Variants in CAB39 observed in about 807,000 individuals in gnomAD.
CAB39 encodes the protein calcium binding protein 39.
Under a neutral mutation model 40.0 loss-of-function variants are expected in CAB39, and 8 were observed. The observed-to-expected ratio is 0.20, with a 90% CI of 0.12 to 0.36. CAB39 has a LOEUF of 0.36. Ranked by LOEUF, CAB39 falls within the 10% of genes least tolerant of loss-of-function variation. The probability of loss-of-function intolerance (pLI) is 1.00; values close to 1 mark genes in which losing one functional copy is unlikely to be tolerated. For missense variants in CAB39, 270 were observed against 401.1 expected (o/e 0.67, Z 2.79); for synonymous variants, 156 against 141.6 (o/e 1.10, Z -0.72).
At chr2:230,779,610 A>T (rs927439396) in intron 2 of CAB39, among the ~76,000 whole-genome samples, 5 of 152,234 alleles carry the variant, frequency 3.3e-5, no homozygotes, top group African/African-American at 1.2e-4. Flanking sequence ...GTGTCTTGGA[A>T]CACCATGTTC....
chr2:230,725,332 A>C, intron 1 of CAB39: 1 of 1,580,100 alleles, frequency 6.3e-7, no homozygotes, highest in Non-Finnish European at 8.7e-7. Context: ...CACCAATCCC[A>C]GCCAGGCTCC....
chr2:230,748,813 G>GAAAA (rs759314442), intron 1 of CAB39, among the ~76,000 whole-genome samples: 522 of 31,722 alleles, frequency 0.016, 62 homozygotes, highest in Non-Finnish European at 0.022. Flanking sequence ...TTTCCAAAAA[G>GAAAA]AAAAAAAAAA....
chr2:230,739,507 T>C (rs189313595), intron 1 of CAB39, among the ~76,000 whole-genome samples: 3 of 152,356 alleles, frequency 2.0e-5, no homozygotes, highest in African/African-American at 7.2e-5. Flanking sequence ...TTGAAGTCTT[T>C]TTTTTGAGAC....
chr2:230,789,319 G>A (rs1695851996), intron 2 of CAB39, among the ~76,000 whole-genome samples: 1 of 152,062 alleles, frequency 6.6e-6, no homozygotes, highest in South Asian at 2.1e-4. Flanking sequence ...TGTCCTTATT[G>A]AGTATTTTAA....
At chr2:230,777,826 G>A (rs563029682) in intron 2 of CAB39, among the ~76,000 whole-genome samples, 40 of 152,296 alleles carry the variant, frequency 2.6e-4, no homozygotes, top group African/African-American at 9.4e-4. Flanking sequence ...AACACTGCAT[G>A]TACTTACCTT....
intron 1 of CAB39, among the ~76,000 whole-genome samples, chr2:230,720,774 C>A (rs1694435978): frequency 2.6e-5 from 4 of 152,166 alleles, no homozygotes; most frequent in South Asian, 4.1e-4. Context: ...CCTCAAGGAG[C>A]TCAGTAAACA....
intron 1 of CAB39, among the ~76,000 whole-genome samples, chr2:230,715,447 A>G (rs374579916): frequency 6.6e-6 from 1 of 152,214 alleles, no homozygotes; most frequent in Non-Finnish European, 1.5e-5. Flanking sequence ...TCTCTGCTAT[A>G]GGAGTGAATG....
At chr2:230,757,225 G>T (rs180957322) in intron 1 of CAB39, among the ~76,000 whole-genome samples, 1 of 152,124 alleles carries the variant, frequency 6.6e-6, no homozygotes, top group Non-Finnish European at 1.5e-5. Flanking sequence ...CCAAGTAGCT[G>T]GCTGGGACCA....
At chr2:230,740,427 A>G (rs956354959) in intron 1 of CAB39, among the ~76,000 whole-genome samples, 2 of 152,252 alleles carry the variant, frequency 1.3e-5, no homozygotes, top group African/African-American at 2.4e-5. Context: ...AGTCTAAATC[A>G]GAAGGAATTG....
intron 2 of CAB39, among the ~76,000 whole-genome samples, chr2:230,782,644 A>G (rs1695707315): frequency 1.3e-5 from 2 of 152,128 alleles, no homozygotes; most frequent in Admixed American, 6.5e-5. Context: ...ATTACGTTGT[A>G]AATTGAGCAC....
chr2:230,757,808 T>TC (rs1224826361), intron 1 of CAB39, among the ~76,000 whole-genome samples: 2 of 151,120 alleles, frequency 1.3e-5, no homozygotes, highest in African/African-American at 2.4e-5. Context: ...CTTGCATGCT[T>TC]CCCCCCCACC....
At chr2:230,818,264 T>C in intron 8 of CAB39, 1 of 468,690 alleles carries the variant, frequency 2.1e-6, no homozygotes, top group Non-Finnish European at 3.7e-6. Flanking sequence ...AATCAAAGTC[T>C]GTATTTAATA....
intron 1 of CAB39, among the ~76,000 whole-genome samples, chr2:230,716,398 A>G (rs1230904667): frequency 6.6e-6 from 1 of 152,120 alleles, no homozygotes; most frequent in African/African-American, 2.4e-5. Context: ...TTCCAGATTG[A>G]TGACTAATCA....
chr2:230,748,258 G>A (rs569264381), intron 1 of CAB39, among the ~76,000 whole-genome samples: 72 of 152,142 alleles, frequency 4.7e-4, no homozygotes, highest in Non-Finnish European at 2.9e-4. Flanking sequence ...TAGACCAACC[G>A]CTAGATCTAG....
At chr2:230,776,934 G>A (rs867987781) in intron 2 of CAB39, among the ~76,000 whole-genome samples, 1 of 152,136 alleles carries the variant, frequency 6.6e-6, no homozygotes, top group South Asian at 2.1e-4. Flanking sequence ...TGATCCGCCC[G>A]CCTCAGCCTC....
chr2:230,758,579 A>G (rs890148236), intron 1 of CAB39, among the ~76,000 whole-genome samples: 6 of 152,326 alleles, frequency 3.9e-5, no homozygotes, highest in Admixed American at 6.5e-5. Context: ...CTCTATTTCA[A>G]ACTTAAGGGA....
chr2:230,818,642 G>A lies in CAB39; in HGVS notation c.964G>A (p.Glu322Lys), dbSNP rs1431462690. 3 of 1,614,042 alleles carry A rather than the reference G, an allele frequency of 1.9e-6. No homozygotes were observed. The highest frequency in any genetic ancestry group is 2.2e-5 in the East Asian group (1 of 44,894). The change falls in exon 9 of 9, where the codon GAG (glutamate) becomes AAG (lysine). Residue 322 changes from glutamate (E) to lysine (K), a missense_variant. Transcript: ENST00000258418. ...GACGGAGGATGAGCAGTTTAACGACGAGAAGACCTATTTAGTTAAACAGAT... is the reference window on the plus strand; with the variant it reads ...GACGGAGGATGAGCAGTTTAACGACAAGAAGACCTATTTAGTTAAACAGAT... ...DRTEDEQFND[E>K]KTYLVKQIRD...
At chr2:230,757,683 C>A (rs1695216179) in intron 1 of CAB39, among the ~76,000 whole-genome samples, 1 of 152,086 alleles carries the variant, frequency 6.6e-6, no homozygotes, top group Non-Finnish European at 1.5e-5. Flanking sequence ...TGCAAAATAC[C>A]ATTAAACATT....
At chr2:230,779,635 C>T (rs1402936708) in intron 2 of CAB39, among the ~76,000 whole-genome samples, 1 of 152,196 alleles carries the variant, frequency 6.6e-6, no homozygotes, top group Non-Finnish European at 1.5e-5. Flanking sequence ...GAGGAAACTT[C>T]CCAGACAATT....
Sources: gnomAD v4.1 joint callset for allele counts (sites outside exome capture counted in the v4.1 genomes callset) on GRCh38, gnomAD v4.1.1 for gene constraint, MANE v1.5 for transcripts, NCBI Gene and HGNC (gene_info 2026-07-23, HGNC 2026-07-21) for gene names.